EPHB4: variants seen among roughly 807,000 people sequenced by gnomAD.
EPHB4 encodes EPH receptor B4, also known as ephrin type-B receptor 4.
A neutral mutation model predicts 110.6 loss-of-function variants in EPHB4; 50 were observed. The observed-to-expected ratio is 0.45, with a 90% CI of 0.36 to 0.57. The LOEUF is 0.57. EPHB4 is among the 20% of genes least tolerant of loss of function. The probability of loss-of-function intolerance (pLI) is 0.00; values close to 1 mark genes in which losing one functional copy is unlikely to be tolerated. For missense variants in EPHB4, 1,128 were observed against 1,382.1 expected (o/e 0.82, Z 2.91); for synonymous variants, 592 against 578.4 (o/e 1.02, Z -0.34).
chr7:100,819,542 G>A lies in EPHB4; in HGVS notation c.1297+15C>T. 1.3e-6 allele frequency: 2 copies of A among 1,537,920 alleles called. No homozygotes were observed. The highest frequency in any genetic ancestry group is 1.8e-6 in the Non-Finnish European group (2 of 1,138,390). On this transcript the variant is annotated intron_variant, in intron 6 of 16. Transcript: ENST00000358173. ...TCCCGCCAGACCACCAGCCGCCCCA[G>A]CCCCCAAGTCTCACCCTCTCGGTCA...
chr7:100,810,392 C>T (rs1812901430), intron 12 of EPHB4, among the ~76,000 whole-genome samples: 1 of 152,146 alleles, frequency 6.6e-6, no homozygotes, highest in Non-Finnish European at 1.5e-5. Context: ...AGGGACCTAA[C>T]CCTTCAGTGT....
Position 100,812,750 on chromosome 7 carries a change from C to T in EPHB4, c.2115G>A (p.Leu705=). Residue 705 remains leucine (L), a synonymous_variant, in exon 12 of 17, where the codon CTG becomes CTA. Coordinates refer to ENST00000358173, the MANE Select transcript of EPHB4 (RefSeq NM_004444.5). The part of the protein sequence containing the change: ...FMENGALDSF[L]RLNDGQFTVI... Reference sequence around the variant, plus strand: ...AGAAGCCAGGGAGGGTGCTCACCCGCAGGAAGGAGTCCAGGGCGCCGTTCT... The same window carrying T: ...AGAAGCCAGGGAGGGTGCTCACCCGTAGGAAGGAGTCCAGGGCGCCGTTCT... The T allele has an allele frequency of 6.2e-7, 1 of 1,612,614 alleles. No individual in the cohort carries two copies. The highest frequency in any genetic ancestry group is 8.5e-7 in the Non-Finnish European group (1 of 1,179,800).
Position 100,803,383 on chromosome 7 carries a change from G to C in EPHB4, c.*78C>G. On this transcript the variant is annotated 3_prime_UTR_variant, in exon 17 of 17. Transcript: ENST00000358173. ...AAAGTGCAATCCAGCGGGGCACAGGGCTGGGGGCCTCTGTGAGTCCCCACT... is the reference window on the plus strand; with the variant it reads ...AAAGTGCAATCCAGCGGGGCACAGGCCTGGGGGCCTCTGTGAGTCCCCACT... 1 of 1,420,788 alleles carries C rather than the reference G, an allele frequency of 7.0e-7. No homozygotes were observed. Among genetic ancestry groups the C allele is most frequent in the Non-Finnish European group, 9.3e-7 (1 of 1,070,644 alleles). 88.0% of individuals were successfully genotyped at this position (1,420,788 alleles called of 1,614,324 possible). A position where few individuals can be genotyped will look rare whatever the true frequency, so the allele number is the denominator to read the frequency against.
intron 6 of EPHB4, among the ~76,000 whole-genome samples, chr7:100,818,946 T>C (rs1298218916): frequency 6.6e-6 from 1 of 152,110 alleles, no homozygotes; most frequent in East Asian, 1.9e-4. Flanking sequence ...AGCCTGGCCA[T>C]GTCCCTTATC....
Position 100,805,242 on chromosome 7 carries a change from T to TGATGGCCC in EPHB4, c.2750_2757dup (p.Lys920GlyfsTer52), listed in dbSNP as rs1812791846. On this transcript the variant is annotated frameshift_variant, in exon 16 of 17. Transcript: ENST00000358173. LOFTEE classifies it high-confidence loss of function. ...AAACTTTCTTCGTATCTTCCCATTT[T>TGATGGCCC]GATGGCCCGAAGCCACTCGCCCACA... The TGATGGCCC allele has an allele frequency of 6.2e-7, 1 of 1,613,622 alleles. No individual in the cohort carries two copies. The highest frequency in any genetic ancestry group is 8.5e-7 in the Non-Finnish European group (1 of 1,179,860).
chr7:100,825,931 C>A (rs150973774), intron 1 of EPHB4, among the ~76,000 whole-genome samples: 1 of 152,320 alleles, frequency 6.6e-6, no homozygotes, highest in East Asian at 1.9e-4. Context: ...CTGAGCTGGG[C>A]AAGCCTCCCC....
rs549419150 is a variant in EPHB4 at position 100,826,962 on chromosome 7, C to T, written c.52+17G>A. The T allele has an allele frequency of 5.2e-6, 8 of 1,527,228 alleles. No individual in the cohort carries two copies. Among genetic ancestry groups the T allele is most frequent in the African/African-American group, 4.3e-5 (3 of 69,416 alleles). The allele number at this position is 1,527,228 out of a possible 1,614,324, so 94.6% of individuals were successfully genotyped here. A position where few individuals can be genotyped will look rare whatever the true frequency, so the allele number is the denominator to read the frequency against. On this transcript the variant is annotated intron_variant, in intron 1 of 16. Transcript: ENST00000358173. ...CCAGGAGTGACGGGGTGCGCCCCCC[C>T]CCGCAAGGAAACTCACCTTCCAAAG...
At chr7:100,820,052 G>A in intron 5 of EPHB4, 89 bp downstream of exon 5, 4 of 1,546,526 alleles carry the variant, frequency 2.6e-6, no homozygotes, top group African/African-American at 1.4e-5. Context: ...AAGGGAAGAA[G>A]CCCAGGGAGG....
In EPHB4 at chr7:100,819,733, C is replaced by A; in HGVS notation, c.1121G>T (p.Gly374Val). 6.2e-7 allele frequency: 1 copy of A among 1,611,250 alleles called. No homozygotes were observed. Residue 374 changes from glycine (G) to valine (V), a missense_variant, in exon 6 of 17, where the codon GGG (glycine) becomes GTG (valine). Transcript: ENST00000358173. ...GCCGGGGTCAAAAGTCAGGTCTCCC[C>A]CGCAGGGCGCACAGGAGCCTCCGGG... The part of the protein sequence containing the change: ...CRPGGSCAPC[G>V]GDLTFDPGPR...
At chr7:100,816,021 G>C (rs1813058059) in intron 8 of EPHB4, among the ~76,000 whole-genome samples, 2 of 151,448 alleles carry the variant, frequency 1.3e-5, no homozygotes, top group Admixed American at 1.3e-4. Flanking sequence ...GGGCGTGGTG[G>C]CTCACGCCAG....
At position 100,819,687 on chromosome 7, in the gene EPHB4, G is replaced by A; in HGVS notation, c.1167C>T (p.Pro389=). The change falls in exon 6 of 17, where the codon CCC becomes CCT. Residue 389 remains proline (P), a synonymous_variant. Transcript: ENST00000358173. Reference sequence around the variant, plus strand: ...GACGTAGCCCTCGAACCACCACCCAGGGCTCCACCAGGTCCCGGGGGCCGG... The same window carrying A: ...GACGTAGCCCTCGAACCACCACCCAAGGCTCCACCAGGTCCCGGGGGCCGG... ...FDPGPRDLVE[P]WVVVRGLRPD... is the part of the protein sequence containing the mutation. The A allele has an allele frequency of 6.2e-7, 1 of 1,613,780 alleles. No individual in the cohort carries two copies. Among genetic ancestry groups the A allele is most frequent in the Non-Finnish European group, 8.5e-7 (1 of 1,179,976 alleles).
rs368484374 is a variant in EPHB4 at position 100,807,442 on chromosome 7, C to T, written c.2257G>A (p.Val753Ile). The change falls in exon 13 of 17, where the codon GTC becomes ATC. Residue 753 changes from valine (V) to isoleucine (I), a missense_variant. By Grantham distance (29) the Val-to-Ile change is conservative. Transcript: ENST00000358173. Reference sequence around the variant, plus strand: ...AGGCCAAAGTCAGACACTTTGCAGACGAGGTTGCTGTTGACTAGGATGTTG... The same window carrying T: ...AGGCCAAAGTCAGACACTTTGCAGATGAGGTTGCTGTTGACTAGGATGTTG... Reference protein sequence around the residue: ...ARNILVNSNLVCKVSDFGLSR... With the variant: ...ARNILVNSNLICKVSDFGLSR... The T allele has an allele frequency of 3.7e-5, 59 of 1,613,772 alleles. No homozygotes were observed. The South Asian group carries it at 4.5e-4, about 12-fold the overall frequency.
Position 100,817,066 on chromosome 7 carries a change from G to C in EPHB4, c.1588+126C>G, listed in dbSNP as rs1584661060. 16 of 1,142,796 alleles carry C rather than the reference G, an allele frequency of 1.4e-5. No homozygotes were observed. The East Asian group carries it at 5.1e-4, about 36-fold the overall frequency. 70.8% of individuals were successfully genotyped at this position (1,142,796 alleles called of 1,614,324 possible). ...CCACTGCACTCCAGCCTGAGGGACA[G>C]AGCAAGACTCCATCTCAAAAAAAAA... On this transcript the variant is annotated intron_variant, in intron 8 of 16. Transcript: ENST00000358173.
chr7:100,819,547 C>T lies in EPHB4; in HGVS notation c.1297+10G>A. The T allele has an allele frequency of 6.5e-7, 1 of 1,543,684 alleles. No homozygotes were observed. The highest frequency in any genetic ancestry group is 8.8e-7 in the Non-Finnish European group (1 of 1,140,436). On this transcript the variant is annotated intron_variant, in intron 6 of 16. Transcript: ENST00000358173. ...CCAGACCACCAGCCGCCCCAGCCCCCAAGTCTCACCCTCTCGGTCAGTGGT... is the reference window on the plus strand; with the variant it reads ...CCAGACCACCAGCCGCCCCAGCCCCTAAGTCTCACCCTCTCGGTCAGTGGT...
rs1813307862 is a variant in EPHB4 at position 100,823,933 on chromosome 7, T to C, written c.124-2A>G. ...ATCCAGGCCGCTCAGTTCCTCCCAC[T>C]GTGCAGAGAAGGAGGTCAGCAAGGG... On this transcript the variant is annotated splice_acceptor_variant, in intron 2 of 16. Transcript: ENST00000358173. LOFTEE classifies it high-confidence loss of function. 2 of 1,575,862 alleles carry C rather than the reference T, an allele frequency of 1.3e-6. No homozygotes were observed. Among genetic ancestry groups the C allele is most frequent in the African/African-American group, 1.3e-5 (1 of 74,138 alleles).
intron 12 of EPHB4, among the ~76,000 whole-genome samples, chr7:100,810,106 T>C (rs1282154445): frequency 6.6e-6 from 1 of 152,022 alleles, no homozygotes; most frequent in East Asian, 1.9e-4. Flanking sequence ...AAAAATTAGC[T>C]GGGCATGGTG....
At position 100,817,371 on chromosome 7, in the gene EPHB4, G is replaced by A. The variant is rs752291255; in HGVS notation, c.1423-14C>T. The stretch of plus-strand genomic sequence containing the variant: ...ACCCTCGGCGCCCTGTCCGGGAGAG[G>A]TAGTGGGGTGGCCGTCACCCGGGAA... On this transcript the variant is annotated splice_polypyrimidine_tract_variant and intron_variant, in intron 7 of 16. Coordinates refer to ENST00000358173, the MANE Select transcript of EPHB4 (RefSeq NM_004444.5). 1.3e-6 allele frequency: 2 copies of A among 1,541,520 alleles called. No homozygotes were observed. The highest frequency in any genetic ancestry group is 1.7e-6 in the Non-Finnish European group (2 of 1,148,152).
At position 100,823,760 on chromosome 7, in the gene EPHB4, A is replaced by T; in HGVS notation, c.295T>A (p.Ser99Thr). The T allele has an allele frequency of 6.2e-7, 1 of 1,613,592 alleles. No individual in the cohort carries two copies. Among genetic ancestry groups the T allele is most frequent in the East Asian group, 2.2e-5 (1 of 44,866 alleles). ...CAGGAGCGCCCAGCCCGAGGCAGGG[A>T]CAGGCACTCGAGCATGGTGAAGCGC... Reference protein sequence around the residue: ...TLRFTMLECLSLPRAGRSCKE... With the variant: ...TLRFTMLECLTLPRAGRSCKE... The change falls in exon 3 of 17, where the codon TCC becomes ACC. Residue 99 changes from serine to threonine, a missense_variant. Physicochemically the swap from Ser to Thr is moderately conservative, Grantham distance 58. Coordinates refer to ENST00000358173, the MANE Select transcript of EPHB4 (RefSeq NM_004444.5).
In EPHB4 at chr7:100,826,979, C is replaced by T. The variant is rs1342831355; in HGVS notation, c.52G>A (p.Glu18Lys). 92 of 1,561,926 alleles carry T rather than the reference C, an allele frequency of 5.9e-5. No homozygotes were observed. In the East Asian group the frequency reaches 2.2e-3, roughly 37 times the overall value. Residue 18 changes from glutamate (E) to lysine (K), a missense_variant and splice_region_variant, in exon 1 of 17, where the codon GAG becomes AAG. This residue lies in a region of EPHB4 where 728 missense variants were observed against 828.6 expected (regional missense o/e 0.88). Coordinates refer to ENST00000358173, the MANE Select transcript of EPHB4 (RefSeq NM_004444.5). ...CGCCCCCCCCCGCAAGGAAACTCAC[C>T]TTCCAAAGCTGCGGCCAACGAAGCC... Reference protein sequence around the residue: ...CWASLAAALEETLLNTKLETA... With the variant: ...CWASLAAALEKTLLNTKLETA...
Sources: allele counts gnomAD v4.1 joint callset (sites outside exome capture counted in the v4.1 genomes callset), GRCh38; gene constraint gnomAD v4.1.1; regional missense constraint gnomAD v4.1.1; transcripts MANE v1.5; gene names NCBI Gene and HGNC (gene_info 2026-07-23, HGNC 2026-07-21).